Variants in NISCH observed in about 807,000 individuals in gnomAD.
NISCH encodes nischarin.
NISCH carries 55 observed loss-of-function variants against 138.4 expected under a neutral mutation model. The observed-to-expected ratio is 0.40, with a 90% CI of 0.32 to 0.50. NISCH has a LOEUF of 0.50. Ranked by LOEUF, NISCH falls within the 20% of genes least tolerant of loss-of-function variation. NISCH has a pLI of 0.71. For missense variants in NISCH, 1,643 were observed against 2,005.5 expected, an observed-to-expected ratio of 0.82 and a Z score of 3.45; for synonymous variants, 860 against 861.5, an observed-to-expected ratio of 1.00 and a Z score of 0.03.
At chr3:52,467,173 G>T (rs1358125592) in intron 3 of NISCH, among the ~76,000 whole-genome samples, 1 of 151,748 alleles carries the variant, frequency 6.6e-6, no homozygotes, top group African/African-American at 2.4e-5. Context: ...GCTAATTTTT[G>T]TATTTTTAGT....
At chr3:52,459,024 T>G (rs1442525139) in intron 3 of NISCH, among the ~76,000 whole-genome samples, 180 bp downstream of exon 3, 1 of 152,134 alleles carries the variant, frequency 6.6e-6, no homozygotes, top group East Asian at 1.9e-4. Flanking sequence ...AGTTGACAGA[T>G]TTGCCGTAAA....
intron 4 of NISCH, chr3:52,471,246 T>G (rs1706937603): frequency 5.2e-6 from 2 of 385,320 alleles, no homozygotes; most frequent in Non-Finnish European, 9.4e-6. Flanking sequence ...TAGTAGCTCA[T>G]GTGTGATGAA....
intron 11 of NISCH, 62 bp from the exon 12 acceptor site, chr3:52,479,682 TCACCA>T: frequency 8.7e-7 from 1 of 1,154,996 alleles, no homozygotes; most frequent in Non-Finnish European, 1.3e-6. Context: ...CTGATAGCCA[TCACCA>T]GTCCCCATGC....
At position 52,455,648 on chromosome 3, in the gene NISCH, A is replaced by G. The variant is rs567110674; in HGVS notation, c.7A>G (p.Thr3Ala). 8.3e-5 allele frequency: 111 copies of G among 1,340,950 alleles called. No individual in the cohort carries two copies. In the South Asian group the frequency reaches 2.5e-3, roughly 30 times the overall value. The allele number at this position is 1,340,950 out of a possible 1,614,324, so 83.1% of individuals were successfully genotyped here. A position where few individuals can be genotyped will look rare whatever the true frequency, so the allele number is the denominator to read the frequency against. The part of the protein sequence containing the change: MA[T>A]ARTFGPEREA... ...TGGCGGCGGAGACCCGAACATGGCG[A>G]CCGCGCGCACCTTCGGGCCCGAGCG... The change falls in exon 1 of 21, where the codon ACC becomes GCC. Residue 3 changes from threonine to alanine, a missense_variant. By Grantham distance (58) the Thr-to-Ala change is moderately conservative. Transcript: ENST00000345716.
At chr3:52,485,416 T>C (rs1707377721) in intron 14 of NISCH, among the ~76,000 whole-genome samples, 1 of 152,226 alleles carries the variant, frequency 6.6e-6, no homozygotes, top group Non-Finnish European at 1.5e-5. Context: ...GCCAGGGCTG[T>C]GTCCACTGCT....
At position 52,455,706 on chromosome 3, in the gene NISCH, T is replaced by G. The variant is rs776536545; in HGVS notation, c.65T>G (p.Val22Gly). The stretch of plus-strand genomic sequence containing the variant: ...GAGCCGGCCAAGGAAGCGCGCGTCG[T>G]GGGCTCGGAGCTTGTGGACACTTAT... ...EAEPAKEARV[V>G]GSELVDTYTV... Residue 22 changes from valine to glycine, a missense_variant, in exon 1 of 21, where the codon GTG becomes GGG. By Grantham distance (109) the Val-to-Gly change is moderately radical (BLOSUM62 -3). Coordinates refer to ENST00000345716, the MANE Select transcript of NISCH (RefSeq NM_007184.4). The G allele has an allele frequency of 2.2e-6, 3 of 1,366,562 alleles. No homozygotes were observed. In the South Asian group the frequency reaches 6.1e-5, roughly 28 times the overall value. 84.7% of individuals were successfully genotyped at this position (1,366,562 alleles called of 1,614,324 possible). A position where few individuals can be genotyped will look rare whatever the true frequency, so the allele number is the denominator to read the frequency against.
In NISCH at chr3:52,492,299, C is replaced by G. The variant is rs373550450; in HGVS notation, c.4332C>G (p.Gly1444=). ...ACGTGCAAGGTCATGACCTCATGGG[C>G]AGTGTCACCCTGGACCACTTTGGGG... ...FDDVQGHDLM[G]SVTLDHFGEV... is the part of the protein sequence containing the mutation. The change falls in exon 21 of 21, where the codon GGC becomes GGG. Residue 1444 remains glycine (G), a synonymous_variant. Coordinates refer to ENST00000345716, the MANE Select transcript of NISCH (RefSeq NM_007184.4). The G allele has an allele frequency of 1.2e-6, 2 of 1,613,290 alleles. No homozygotes were observed. The highest frequency in any genetic ancestry group is 1.7e-6 in the Non-Finnish European group (2 of 1,180,042).
intron 13 of NISCH, chr3:52,480,771 G>A (rs1032197704): frequency 1.2e-5 from 18 of 1,445,726 alleles, no homozygotes; most frequent in Non-Finnish European, 1.5e-5. Flanking sequence ...CACCATGTTT[G>A]TGGGGCCAAG....
At chr3:52,478,762 CT>C (rs1707178874) in intron 11 of NISCH, among the ~76,000 whole-genome samples, 185 bp downstream of exon 11, 1 of 152,198 alleles carries the variant, frequency 6.6e-6, no homozygotes, top group African/African-American at 2.4e-5. Flanking sequence ...TCCCTTGCAT[CT>C]CCTGCCCCTA....
chr3:52,458,964 A>T (rs909148676), intron 3 of NISCH, 120 bp downstream of exon 3: 9 of 765,320 alleles, frequency 1.2e-5, no homozygotes, highest in Non-Finnish European at 1.9e-5. Context: ...AGGTTAGAAG[A>T]TGGAGGAACG....
intron 17 of NISCH, 197 bp from the exon 18 acceptor site, chr3:52,489,878 G>A: frequency 3.4e-6 from 4 of 1,186,844 alleles, no homozygotes; most frequent in Non-Finnish European, 4.6e-6. Context: ...ACCACCTCCT[G>A]TGCCACTTCC....
At chr3:52,485,243 G>C (rs111848672) in intron 14 of NISCH, among the ~76,000 whole-genome samples, 16 of 152,308 alleles carry the variant, frequency 1.1e-4, no homozygotes, top group Middle Eastern at 3.4e-3. Flanking sequence ...CATCTCTGCA[G>C]CAGCACAAGG....
intron 3 of NISCH, among the ~76,000 whole-genome samples, chr3:52,461,891 T>A (rs898537243): frequency 6.6e-6 from 1 of 151,980 alleles, no homozygotes; most frequent in Non-Finnish European, 1.5e-5. Flanking sequence ...AATATTGTAT[T>A]TTAAGAAAGC....
At chr3:52,464,517 C>CTTTTTTTTTTTTTTTTTTTTT (rs71084185) in intron 3 of NISCH, among the ~76,000 whole-genome samples, 1 of 75,808 alleles carries the variant, frequency 1.3e-5, no homozygotes, top group African/African-American at 5.4e-5. Context: ...TGTGAGTTGT[C>CTTTTTTTTTTTTTTTTTTTTT]TTTTTTTTTT....
At chr3:52,471,289 A>G in intron 4 of NISCH, 1 of 300,592 alleles carries the variant, frequency 3.3e-6, no homozygotes. Context: ...GCCTTCCCCC[A>G]GGAGCCACAG....
At position 52,480,221 on chromosome 3, in the gene NISCH, T is replaced by C. The variant is rs921812326; in HGVS notation, c.1454T>C (p.Ile485Thr). The C allele has an allele frequency of 8.7e-6, 14 of 1,613,770 alleles. No homozygotes were observed. The highest frequency in any genetic ancestry group is 1.2e-5 in the Non-Finnish European group (14 of 1,179,998). Residue 485 changes from isoleucine (I) to threonine (T), a missense_variant, in exon 13 of 21, where the codon ATC becomes ACC. Ile to Thr is a moderately conservative substitution (Grantham distance 89). Coordinates refer to ENST00000345716, the MANE Select transcript of NISCH (RefSeq NM_007184.4). Reference sequence around the variant, plus strand: ...TCCCGGCTCTCAGCTGCCCCCTGCATCAGACCCAGCAGCTCCCCTCCCACT... The same window carrying C: ...TCCCGGCTCTCAGCTGCCCCCTGCACCAGACCCAGCAGCTCCCCTCCCACT... ...EDSRLSAAPC[I>T]RPSSSPPTVA...
chr3:52,491,961 G>A lies in NISCH; in HGVS notation c.3994G>A (p.Val1332Met). Reference sequence around the variant, plus strand: ...GGAGATTGGGGACCTGACGTTCACTGTGGCCCAAAAGATGGCTGAGCCAGA... The same window carrying A: ...GGAGATTGGGGACCTGACGTTCACTATGGCCCAAAAGATGGCTGAGCCAGA... ...EEEIGDLTFT[V>M]AQKMAEPEKA... The change falls in exon 21 of 21, where the codon GTG becomes ATG. Residue 1332 changes from valine (V) to methionine (M), a missense_variant. Physicochemically the swap from Val to Met is conservative, Grantham distance 21 (BLOSUM62 1). Coordinates refer to ENST00000345716, the MANE Select transcript of NISCH (RefSeq NM_007184.4). The A allele has an allele frequency of 6.2e-7, 1 of 1,613,670 alleles. No homozygotes were observed. The highest frequency in any genetic ancestry group is 8.5e-7 in the Non-Finnish European group (1 of 1,180,028).
intron 4 of NISCH, 36 bp downstream of exon 4, chr3:52,470,943 A>G: frequency 6.2e-7 from 1 of 1,610,878 alleles, no homozygotes; most frequent in South Asian, 1.1e-5. Flanking sequence ...ACTGAGCATA[A>G]GTTGTGTAGT....
Position 52,487,888 on chromosome 3 carries a change from A to C in NISCH, c.2396A>C (p.Asn799Thr). 1 of 1,611,520 alleles carries C rather than the reference A, an allele frequency of 6.2e-7. No homozygotes were observed. The highest frequency in any genetic ancestry group is 2.2e-5 in the East Asian group (1 of 44,840). The change falls in exon 16 of 21, where the codon AAC (asparagine) becomes ACC (threonine). Residue 799 changes from asparagine to threonine, a missense_variant. Transcript: ENST00000345716. The surrounding 1 kb of genome is among the most constrained non-coding windows in gnomAD (Gnocchi z 9.1). ...NTLFIISDAA[N>T]LHEFHADLRS... ...CTCTTCATTATCTCGGACGCCGCCA[A>C]CCTGCACGAGTTCCACGCGGACCTG...
Sources: gnomAD v4.1 joint callset for allele counts (sites outside exome capture counted in the v4.1 genomes callset) on GRCh38, gnomAD v4.1.1 for gene constraint, Gnocchi (gnomAD v3.1) non-coding constraint, MANE v1.5 for transcripts, NCBI Gene and HGNC (gene_info 2026-07-23, HGNC 2026-07-21) for gene names.